DMD: variants seen among roughly 807,000 people sequenced by gnomAD.
The protein encoded by DMD is dystrophin, also known as mutant dystrophin.
DMD carries 63 observed loss-of-function variants against 330.1 expected under a neutral mutation model. The ratio of observed to expected loss-of-function variants is 0.19; its 90% CI spans 0.16 to 0.24. The LOEUF (loss-of-function observed/expected upper bound fraction) is 0.24, where lower values mean the gene tolerates loss of function less well. DMD is among the 10% of genes least tolerant of loss of function. The pLI, the probability that DMD is intolerant of heterozygous loss-of-function variation, is 1.00. For missense variants in DMD, 3,344 were observed against 2,684.1 expected (o/e 1.25, Z -5.43); for synonymous variants, 1,223 against 959.8 (o/e 1.27, Z -5.07).
intron 7 of DMD, among the ~76,000 whole-genome samples, chrX:32,769,842 T>C (rs1435503784): frequency 1.8e-5 from 2 of 110,466 alleles, no homozygotes; most frequent in Non-Finnish European, 3.8e-5. Flanking sequence ...AGGAGGCTTA[T>C]AATAAATATG....
chrX:32,388,552 A>T (rs1207259260), intron 32 of DMD, among the ~76,000 whole-genome samples: 1 of 109,754 alleles, frequency 9.1e-6, no homozygotes, highest in Non-Finnish European at 1.9e-5. Context: ...TTCACACATA[A>T]ATATATGTAT....
intron 7 of DMD, among the ~76,000 whole-genome samples, chrX:32,765,140 T>G (rs1399836834): frequency 9.0e-6 from 1 of 110,503 alleles, no homozygotes; most frequent in Admixed American, 9.7e-5. Flanking sequence ...TTTTAATTGC[T>G]GTTTTTCTGT....
At chrX:32,987,580 T>A in intron 2 of DMD, among the ~76,000 whole-genome samples, 1 of 111,400 alleles carries the variant, frequency 9.0e-6, no homozygotes, top group Middle Eastern at 4.6e-3. Context: ...CCCACAACAA[T>A]AGTGCCTCTG....
At chrX:32,579,142 C>T (rs888166391) in intron 13 of DMD, among the ~76,000 whole-genome samples, 1 of 111,523 alleles carries the variant, frequency 9.0e-6, no homozygotes, top group African/African-American at 3.3e-5. Flanking sequence ...CTCAGTTTTA[C>T]ACATTTCTAC....
intron 60 of DMD, among the ~76,000 whole-genome samples, chrX:31,358,594 T>G (rs1373362319): frequency 8.9e-6 from 1 of 112,294 alleles, no homozygotes; most frequent in Non-Finnish European, 1.9e-5. Context: ...AGTCACTGCG[T>G]TTTTGGGATT....
At chrX:31,718,456 C>T (rs952628940) in intron 52 of DMD, among the ~76,000 whole-genome samples, 3 of 110,732 alleles carry the variant, frequency 2.7e-5, no homozygotes, top group Non-Finnish European at 3.8e-5. Flanking sequence ...GCATCCCCCC[C>T]GCCGGCTAAA....
chrX:31,889,682 C>CAT (rs1824632907), intron 47 of DMD, among the ~76,000 whole-genome samples: 1 of 73,048 alleles, frequency 1.4e-5, no homozygotes, highest in Non-Finnish European at 2.8e-5. Flanking sequence ...CACACACACA[C>CAT]GCACACCACA....
chrX:32,834,638 A>T (rs1045833916), intron 4 of DMD, among the ~76,000 whole-genome samples: 1 of 111,441 alleles, frequency 9.0e-6, no homozygotes, highest in Non-Finnish European at 1.9e-5. Context: ...TGGATTTGTG[A>T]TTTAATGTAT....
At chrX:31,612,670 T>C (rs1431653679) in intron 55 of DMD, among the ~76,000 whole-genome samples, 21 of 111,785 alleles carry the variant, frequency 1.9e-4, no homozygotes, top group African/African-American at 6.5e-4. Flanking sequence ...TATTAATTGG[T>C]ACACACTGGT....
chrX:32,104,625 A>C (rs2096556007), intron 44 of DMD, among the ~76,000 whole-genome samples: 1 of 112,177 alleles, frequency 8.9e-6, no homozygotes, highest in Non-Finnish European at 1.9e-5. Context: ...AAAGAAAGAA[A>C]ATAATTCATA....
chrX:32,667,425 G>C (rs2061373099), intron 9 of DMD, among the ~76,000 whole-genome samples: 1 of 111,904 alleles, frequency 8.9e-6, no homozygotes, highest in South Asian at 3.7e-4. Context: ...AAATTGTTGA[G>C]CTTAGTGCTG....
intron 47 of DMD, among the ~76,000 whole-genome samples, chrX:31,891,006 A>G (rs1054563020): frequency 1.8e-5 from 2 of 112,247 alleles, no homozygotes; most frequent in African/African-American, 6.5e-5. Context: ...TATTTATACT[A>G]TGAAGCAAAT....
intron 1 of DMD, among the ~76,000 whole-genome samples, chrX:33,246,537 A>G (rs1351738905): frequency 7.2e-5 from 8 of 111,783 alleles, no homozygotes; most frequent in South Asian, 3.7e-4. Flanking sequence ...TTACTTGACA[A>G]TTTAGGACAC....
At chrX:31,153,550 C>T (rs1467849403) in intron 74 of DMD, among the ~76,000 whole-genome samples, 1 of 110,855 alleles carries the variant, frequency 9.0e-6, no homozygotes, top group South Asian at 3.9e-4. Flanking sequence ...TCATTTTTCA[C>T]TCCATATATT....
chrX:32,533,875 A>G (rs1347265649), intron 17 of DMD, among the ~76,000 whole-genome samples: 1 of 111,665 alleles, frequency 9.0e-6, no homozygotes, highest in Non-Finnish European at 1.9e-5. Flanking sequence ...AAGAGAAGTC[A>G]ACATGCTTGT....
intron 44 of DMD, among the ~76,000 whole-genome samples, chrX:32,022,870 T>C (rs1242901549): frequency 9.4e-6 from 1 of 106,206 alleles, no homozygotes; most frequent in Non-Finnish European, 1.9e-5. Flanking sequence ...TTTGCTCTTG[T>C]CGCCCAGGCT....
intron 34 of DMD, among the ~76,000 whole-genome samples, chrX:32,374,085 T>C (rs758948725): frequency 8.9e-6 from 1 of 111,960 alleles, no homozygotes; most frequent in Admixed American, 9.5e-5. Context: ...ATATGCTCAT[T>C]GGCCGCTTGT....
In DMD at chrX:31,409,332, GC is replaced by G. The variant is rs1289893232; in HGVS notation, c.9084+35148del. Reference sequence around the variant, plus strand: ...TGGTATACAGGATCATAGCACTTTTGCTTAAGTGAATTGACTTATTTCTTGT... The same window carrying G: ...TGGTATACAGGATCATAGCACTTTTGTTAAGTGAATTGACTTATTTCTTGT... On this transcript the variant is annotated intron_variant, in intron 60 of 78. Transcript: ENST00000357033. 5.4e-5 allele frequency among the ~76,000 whole-genome samples: 6 copies of G among 112,096 alleles called. No individual in the cohort carries two copies. The East Asian group carries it at 1.7e-3, about 31-fold the overall frequency.
intron 45 of DMD, among the ~76,000 whole-genome samples, chrX:31,952,721 G>T (rs1430406848): frequency 1.8e-5 from 2 of 111,746 alleles, no homozygotes; most frequent in African/African-American, 3.3e-5. Context: ...GACAACTTTT[G>T]TTGACTGCTT....
Sources: gnomAD v4.1 joint callset for allele counts (sites outside exome capture counted in the v4.1 genomes callset) on GRCh38, gnomAD v4.1.1 for gene constraint, MANE v1.5 for transcripts, NCBI Gene and HGNC (gene_info 2026-07-23, HGNC 2026-07-21) for gene names.